The following TCTN3 variants were observed in gnomAD, a reference collection of about 807,000 sequenced individuals.
TCTN3 encodes tectonic-3.
TCTN3 carries 57 observed loss-of-function variants against 71.3 expected under a neutral mutation model. That is an observed-to-expected ratio of 0.80 (90% CI 0.65 to 1.00). The LOEUF is 1.00. Ranked by LOEUF, TCTN3 falls within the 50% of genes least tolerant of loss-of-function variation. TCTN3 has a pLI of 0.00. For missense variants in TCTN3, 696 were observed against 719.9 expected (o/e 0.97, Z 0.38); for synonymous variants, 258 against 267.8 (o/e 0.96, Z 0.36).
rs201802660 is a variant in TCTN3 at position 95,677,486 on chromosome 10, T to G, written c.1590+2986A>C. 4.4e-4 allele frequency among the ~76,000 whole-genome samples: 59 copies of G among 133,764 alleles called. 1 individual carries two copies. Among genetic ancestry groups the G allele is most frequent in the East Asian group, 3.1e-3 (12 of 3,842 alleles). The allele number at this position is 133,764 out of a possible 152,430, so 87.8% of individuals were successfully genotyped here. ...AGTGAAGTCTACAGTTTTTTTTGTT[T>G]TTTTTTTTTTTTTTTGCTGTATTTT... On this transcript the variant is annotated intron_variant, in intron 13 of 13. Coordinates refer to ENST00000371217, the MANE Select transcript of TCTN3 (RefSeq NM_015631.6).
rs868051742 is a variant in TCTN3 at position 95,693,797 on chromosome 10, A to C, written c.103T>G (p.Ser35Ala). Reference sequence around the variant, plus strand: ...TCCGTCCCTCGCTGCAGCTCCAAAGACGTGGGCACTGCCCCTGATGGGGAG... The same window carrying C: ...TCCGTCCCTCGCTGCAGCTCCAAAGCCGTGGGCACTGCCCCTGATGGGGAG... ...SSSPSGAVPT[S>A]LELQRGTDGG... The change falls in exon 1 of 14, where the codon TCT (serine) becomes GCT (alanine). Residue 35 changes from serine to alanine, a missense_variant. Coordinates refer to ENST00000371217, the MANE Select transcript of TCTN3 (RefSeq NM_015631.6). 19 of 1,551,464 alleles carry C rather than the reference A, an allele frequency of 1.2e-5. No homozygotes were observed. The African/African-American group carries it at 2.5e-4, about 20-fold the overall frequency.
At chr10:95,678,468 G>A (rs2097939618) in intron 13 of TCTN3, among the ~76,000 whole-genome samples, 1 of 147,132 alleles carries the variant, frequency 6.8e-6, no homozygotes, top group African/African-American at 2.5e-5. Context: ...GGGAGGCGAA[G>A]GTTGCAGTGA....
intron 13 of TCTN3, among the ~76,000 whole-genome samples, chr10:95,667,605 G>C (rs1306059344): frequency 6.6e-6 from 1 of 152,176 alleles, no homozygotes; most frequent in Non-Finnish European, 1.5e-5. Flanking sequence ...ACTTAAGCCA[G>C]AGAAATTCTG....
At chr10:95,677,491 T>TTTTTTTTTC (rs2097938576) in intron 13 of TCTN3, among the ~76,000 whole-genome samples, 1 of 146,090 alleles carries the variant, frequency 6.8e-6, no homozygotes, top group Non-Finnish European at 1.5e-5. Context: ...TTGTTTTTTT[T>TTTTTTTTTC]TTTTTTTTTT....
intron 13 of TCTN3, among the ~76,000 whole-genome samples, chr10:95,666,775 G>A (rs2097926131): frequency 6.6e-6 from 1 of 152,176 alleles, no homozygotes; most frequent in Non-Finnish European, 1.5e-5. Flanking sequence ...TAGGAGGGGG[G>A]CAGATTTGAA....
In TCTN3 at chr10:95,687,576, C is replaced by T; in HGVS notation, c.627+16G>A. On this transcript the variant is annotated intron_variant, in intron 4 of 13. Coordinates refer to ENST00000371217, the MANE Select transcript of TCTN3 (RefSeq NM_015631.6). ...AAAACTAAACCAAACAATCCCATCC[C>T]CTTCCCCAGGCTCACCCTGTAAAAA... 3.1e-6 allele frequency: 5 copies of T among 1,610,770 alleles called. No homozygotes were observed.
In TCTN3 at chr10:95,685,550, C is replaced by T. The variant is rs781529438; in HGVS notation, c.969+6G>A. ...TCAGTCCAGAATCTGAGGTCAGTAT[C>T]CCTACCTGAGAAACTACATTCTGAC... On this transcript the variant is annotated splice_donor_region_variant and intron_variant, in intron 8 of 13. Coordinates refer to ENST00000371217, the MANE Select transcript of TCTN3 (RefSeq NM_015631.6). The T allele has an allele frequency of 1.9e-6, 3 of 1,548,828 alleles. No individual in the cohort carries two copies. The highest frequency in any genetic ancestry group is 2.7e-5 in the African/African-American group (2 of 73,086).
At chr10:95,676,659 G>A (rs2097937473) in intron 13 of TCTN3, among the ~76,000 whole-genome samples, 1 of 152,046 alleles carries the variant, frequency 6.6e-6, no homozygotes, top group South Asian at 2.1e-4. Context: ...TTCTTACCAT[G>A]GGTGATAGTC....
At chr10:95,691,372 TCAAACTCCTGACC>T (rs2097953371) in intron 3 of TCTN3, among the ~76,000 whole-genome samples, 1 of 152,160 alleles carries the variant, frequency 6.6e-6, no homozygotes. Flanking sequence ...TAGGCTGGTC[TCAAACTCCTGACC>T]TCAAGTGATC....
intron 3 of TCTN3, among the ~76,000 whole-genome samples, chr10:95,691,811 T>C (rs1443050367): frequency 1.3e-5 from 2 of 152,246 alleles, no homozygotes; most frequent in Admixed American, 1.3e-4. Context: ...ATCTTTATTG[T>C]ACTCTACAGT....
At chr10:95,678,554 AT>A (rs2097939742) in intron 13 of TCTN3, among the ~76,000 whole-genome samples, 3 of 132,902 alleles carry the variant, frequency 2.3e-5, no homozygotes, top group East Asian at 2.2e-4. Flanking sequence ...AAAAAAAAAA[AT>A]TTCACAAGAT....
At position 95,663,547 on chromosome 10, in the gene TCTN3, T is replaced by C. The variant is rs1315690411; in HGVS notation, c.*520A>G. ...TGGAAACTGAGGAGAAAGAACTGCT[T>C]TCCCCACTCGTGTCTGGGCAAAGGG... is the stretch of plus-strand genomic sequence containing the variant. On this transcript the variant is annotated 3_prime_UTR_variant, in exon 14 of 14. Transcript: ENST00000371217. 6.5e-6 allele frequency: 1 copy of C among 153,214 alleles called. No homozygotes were observed. The highest frequency in any genetic ancestry group is 2.4e-5 in the African/African-American group (1 of 41,460). 9.5% of individuals were successfully genotyped at this position (153,214 alleles called of 1,614,324 possible). A position where few individuals can be genotyped will look rare whatever the true frequency, so the allele number is the denominator to read the frequency against.
intron 13 of TCTN3, among the ~76,000 whole-genome samples, chr10:95,674,802 C>A (rs1316876030): frequency 1.3e-5 from 2 of 150,606 alleles, no homozygotes; most frequent in African/African-American, 4.9e-5. Context: ...GCCAGAGTGA[C>A]AGAGCGAGAC....
intron 13 of TCTN3, among the ~76,000 whole-genome samples, chr10:95,670,066 A>AAAAAAG (rs2097929484): frequency 6.7e-6 from 1 of 149,988 alleles, no homozygotes; most frequent in Non-Finnish European, 1.5e-5. Context: ...CGTCTCAAAA[A>AAAAAAG]AAAAAAAAAA....
intron 3 of TCTN3, among the ~76,000 whole-genome samples, chr10:95,690,495 A>T (rs1322373344): frequency 6.6e-6 from 1 of 152,244 alleles, no homozygotes. Flanking sequence ...ACACTCGTGG[A>T]AAATATAGGT....
At chr10:95,693,243 G>A (rs11814338) in intron 2 of TCTN3, 110 bp downstream of exon 2, 1 of 1,482,812 alleles carries the variant, frequency 6.7e-7, no homozygotes, top group African/African-American at 1.4e-5. Context: ...GAATGTCCTA[G>A]GAGTGGAAGT....
chr10:95,684,597 T>C lies in TCTN3; in HGVS notation c.997A>G (p.Thr333Ala). ...QVTYEIETNG[T>A]FGIQKVSVSL... ...ACAGAAACTTTCTGGATTCCAAAAG[T>C]CCCATTGGTCTCTATCTCATAGGTG... The change falls in exon 9 of 14, where the codon ACT (threonine) becomes GCT (alanine). Residue 333 changes from threonine (T) to alanine (A), a missense_variant. Coordinates refer to ENST00000371217, the MANE Select transcript of TCTN3 (RefSeq NM_015631.6). 6.2e-7 allele frequency: 1 copy of C among 1,614,000 alleles called. No homozygotes were observed. The highest frequency in any genetic ancestry group is 1.1e-5 in the South Asian group (1 of 91,082).
At chr10:95,689,700 A>G (rs529442417) in intron 3 of TCTN3, among the ~76,000 whole-genome samples, 1 of 152,200 alleles carries the variant, frequency 6.6e-6, no homozygotes, top group Non-Finnish European at 1.5e-5. Flanking sequence ...TTTGCCTAAA[A>G]TTTCTACCAT....
intron 3 of TCTN3, among the ~76,000 whole-genome samples, chr10:95,688,263 GC>G (rs906167305): frequency 6.6e-6 from 1 of 151,692 alleles, no homozygotes; most frequent in Non-Finnish European, 1.5e-5. Context: ...GGTGGCAGGC[GC>G]CTGTAATCCC....
Sources: allele counts gnomAD v4.1 joint callset (sites outside exome capture counted in the v4.1 genomes callset), GRCh38; gene constraint gnomAD v4.1.1; transcripts MANE v1.5; gene names NCBI Gene and HGNC (gene_info 2026-07-23, HGNC 2026-07-21).